The following HCK variants were observed in gnomAD, a reference collection of about 807,000 sequenced individuals.
HCK encodes HCK proto-oncogene, Src family tyrosine kinase, also known as tyrosine-protein kinase HCK.
HCK carries 40 observed loss-of-function variants against 70.4 expected under a neutral mutation model. That is an observed-to-expected ratio of 0.57 (90% CI 0.44 to 0.74). HCK has a LOEUF of 0.74. Ranked by LOEUF, HCK falls within the 30% of genes least tolerant of loss-of-function variation. The pLI is 0.00. For missense variants in HCK, 568 were observed against 697.2 expected (o/e 0.81, Z 2.09); for synonymous variants, 245 against 263.2 (o/e 0.93, Z 0.67).
rs370780396 is a variant in HCK at position 32,086,638 on chromosome 20, C to T, written c.846C>T (p.Asn282=). 3.7e-5 allele frequency: 60 copies of T among 1,610,690 alleles called. No individual in the cohort carries two copies. The African/African-American group carries it at 7.4e-4, about 20-fold the overall frequency. Residue 282 remains asparagine (N), a synonymous_variant, in exon 9 of 13, where the codon AAC becomes AAT. Coordinates refer to ENST00000375852, the MANE Select transcript of HCK (RefSeq NM_002110.5). ...TCTATCCCCCTCCAGCCACCTACAA[C>T]AAGCACACCAAGGTGGCAGTGAAGA...
chr20:32,074,551 G>T (rs1272663640), intron 4 of HCK, 72 bp from the exon 5 acceptor site: 3 of 1,153,508 alleles, frequency 2.6e-6, no homozygotes, highest in Non-Finnish European at 3.9e-6. Flanking sequence ...TCTAGGTCAA[G>T]GCTGGGGAGC....
At chr20:32,092,955 T>TG (rs1569006257) in intron 10 of HCK, among the ~76,000 whole-genome samples, 1 of 152,118 alleles carries the variant, frequency 6.6e-6, no homozygotes, top group Non-Finnish European at 1.5e-5. Context: ...TATCTTTTTT[T>TG]TCTTTTTGAG....
intron 9 of HCK, among the ~76,000 whole-genome samples, chr20:32,087,706 A>G (rs2045809208): frequency 6.6e-6 from 1 of 151,996 alleles, no homozygotes; most frequent in South Asian, 2.1e-4. Flanking sequence ...CAGTGGCACA[A>G]TCTCGGCTCA....
intron 1 of HCK, among the ~76,000 whole-genome samples, chr20:32,056,214 T>A (rs1482596056): frequency 1.3e-5 from 2 of 152,212 alleles, no homozygotes; most frequent in Non-Finnish European, 2.9e-5. Flanking sequence ...CTGGGTCATA[T>A]AAAAGTTCTA....
At chr20:32,083,113 A>G (rs1401941694) in intron 6 of HCK, among the ~76,000 whole-genome samples, 1 of 152,090 alleles carries the variant, frequency 6.6e-6, no homozygotes, top group Non-Finnish European at 1.5e-5. Flanking sequence ...CTTGGCTCAT[A>G]GTCCCTTCCT....
chr20:32,066,751 C>T (rs1241843970), intron 1 of HCK, among the ~76,000 whole-genome samples: 1 of 152,124 alleles, frequency 6.6e-6, no homozygotes, highest in Non-Finnish European at 1.5e-5. Context: ...CCATTTTTAT[C>T]TTGGCTACTA....
intron 10 of HCK, among the ~76,000 whole-genome samples, chr20:32,089,425 G>T: frequency 6.6e-6 from 1 of 152,208 alleles, no homozygotes; most frequent in East Asian, 1.9e-4. Context: ...TGCTAATTAT[G>T]GGGGATATAG....
At position 32,088,145 on chromosome 20, in the gene HCK, A is replaced by G. The variant is rs2045816039; in HGVS notation, c.1016-423A>G. On this transcript the variant is annotated intron_variant, in intron 9 of 12. Coordinates refer to ENST00000375852, the MANE Select transcript of HCK (RefSeq NM_002110.5). ...GGTCTCAAACTCTTGGCCTCAGGTGATCCTCTCACCTCGGTCTCCTAAAGT... is the reference window on the plus strand; with the variant it reads ...GGTCTCAAACTCTTGGCCTCAGGTGGTCCTCTCACCTCGGTCTCCTAAAGT... 2.0e-5 allele frequency among the ~76,000 whole-genome samples: 3 copies of G among 152,092 alleles called. No individual in the cohort carries two copies. The South Asian group carries it at 6.2e-4, about 31-fold the overall frequency.
At chr20:32,061,841 T>C (rs1238612993) in intron 1 of HCK, among the ~76,000 whole-genome samples, 6 of 151,680 alleles carry the variant, frequency 4.0e-5, no homozygotes, top group African/African-American at 1.5e-4. Context: ...ATTGTGGAGG[T>C]CTTACCCACC....
In HCK at chr20:32,052,279, G is replaced by C. The variant is rs540574965; in HGVS notation, c.-146G>C. ...GTCCCAGCTCGGGAGCACATCAGAGGCTTAGAGGCGAGTGGGAAGGGACTC... is the reference window on the plus strand; with the variant it reads ...GTCCCAGCTCGGGAGCACATCAGAGCCTTAGAGGCGAGTGGGAAGGGACTC... On this transcript the variant is annotated 5_prime_UTR_variant, in exon 1 of 13. Coordinates refer to ENST00000375852, the MANE Select transcript of HCK (RefSeq NM_002110.5). 1.8e-6 allele frequency: 1 copy of C among 547,442 alleles called. No individual in the cohort carries two copies. Among genetic ancestry groups the C allele is most frequent in the Non-Finnish European group, 2.9e-6 (1 of 347,846 alleles). 33.9% of individuals were successfully genotyped at this position (547,442 alleles called of 1,614,324 possible). A position where few individuals can be genotyped will look rare whatever the true frequency, so the allele number is the denominator to read the frequency against.
At chr20:32,088,544 GT>G (rs752703448) in intron 9 of HCK, 23 bp from the exon 10 acceptor site, 2 of 1,590,042 alleles carry the variant, frequency 1.3e-6, no homozygotes, top group Non-Finnish European at 1.7e-6. Flanking sequence ...AGTAGTAAAT[GT>G]TCCTCCCCTC....
rs75119412 is a variant in HCK, at chr20:32,090,016, C to T, written c.1092+1372C>T. Reference sequence around the variant, plus strand: ...CCTGCTGGAGATGCCAAGGGCAGGGCTCATTTGAGTATGCAAATTCAGGGG... The same window carrying T: ...CCTGCTGGAGATGCCAAGGGCAGGGTTCATTTGAGTATGCAAATTCAGGGG... On this transcript the variant is annotated intron_variant, in intron 10 of 12. Transcript: ENST00000375852. Among the ~76,000 whole-genome samples, 32 of 152,314 alleles carry T rather than the reference C, an allele frequency of 2.1e-4. No individual in the cohort carries two copies. In the East Asian group the frequency reaches 6.0e-3, roughly 28 times the overall value.
intron 11 of HCK, among the ~76,000 whole-genome samples, chr20:32,095,807 T>G (rs2045946443): frequency 6.6e-6 from 1 of 152,220 alleles, no homozygotes; most frequent in Non-Finnish European, 1.5e-5. Context: ...AAAATTTATT[T>G]ATAGCACTAG....
At chr20:32,089,203 G>C (rs1476732356) in intron 10 of HCK, among the ~76,000 whole-genome samples, 1 of 152,246 alleles carries the variant, frequency 6.6e-6, no homozygotes, top group Admixed American at 6.5e-5. Context: ...ATGGCCCATT[G>C]GCCAAGTCAC....
rs933751564 is a variant in HCK at position 32,052,244 on chromosome 20, C to T, written c.-181C>T. 1 of 459,068 alleles carries T rather than the reference C, an allele frequency of 2.2e-6. No individual in the cohort carries two copies. The highest frequency in any genetic ancestry group is 2.0e-5 in the African/African-American group (1 of 49,386). 28.4% of individuals were successfully genotyped at this position (459,068 alleles called of 1,614,324 possible). On this transcript the variant is annotated 5_prime_UTR_variant, in exon 1 of 13. Transcript: ENST00000375852. ...CGCCCAGATGGCCTGCGGGCGCCAC[C>T]ACGTCCCTGGTCCCAGCTCGGGAGC...
At position 32,079,841 on chromosome 20, in the gene HCK, GGC is replaced by G. The variant is rs751702180; in HGVS notation, c.497_498del (p.Gly166ValfsTer7). 3.1e-6 allele frequency: 5 copies of G among 1,613,974 alleles called. No individual in the cohort carries two copies. Among genetic ancestry groups the G allele is most frequent in the African/African-American group, 1.3e-5 (1 of 74,934 alleles). On this transcript the variant is annotated frameshift_variant, in exon 6 of 13. Transcript: ENST00000375852. LOFTEE classifies it high-confidence loss of function. ...ACTGCTGGCTCCCGGCAACATGCTG[GGC>G]TCCTTCATGATCCGGGATAGCGAGA...
chr20:32,091,160 G>T (rs1027557616), intron 10 of HCK, among the ~76,000 whole-genome samples: 4 of 152,216 alleles, frequency 2.6e-5, no homozygotes, highest in Admixed American at 6.5e-5. Flanking sequence ...CCTAAGTGGG[G>T]TGTCATCCCT....
chr20:32,094,787 G>GAGAAAGAGAA (rs1555877821), intron 11 of HCK, among the ~76,000 whole-genome samples: 2 of 105,306 alleles, frequency 1.9e-5, no homozygotes, highest in African/African-American at 8.0e-5. Flanking sequence ...GAGAGAGAAA[G>GAGAAAGAGAA]AGAAAGAAAG....
At chr20:32,091,954 C>T (rs989174197) in intron 10 of HCK, among the ~76,000 whole-genome samples, 5 of 151,214 alleles carry the variant, frequency 3.3e-5, no homozygotes, top group African/African-American at 9.7e-5. Context: ...CACTGTACTC[C>T]GTGACAGAGC....
Sources: gnomAD v4.1 joint callset for allele counts (sites outside exome capture counted in the v4.1 genomes callset) on GRCh38, gnomAD v4.1.1 for gene constraint, MANE v1.5 for transcripts, NCBI Gene and HGNC (gene_info 2026-07-23, HGNC 2026-07-21) for gene names.